The following CAMTA1 variants were observed in gnomAD, a reference collection of about 807,000 sequenced individuals.
CAMTA1 encodes the protein calmodulin-binding transcription activator 1.
A neutral mutation model predicts 170.9 loss-of-function variants in CAMTA1; 27 were observed. The ratio of observed to expected loss-of-function variants is 0.16; its 90% confidence interval spans 0.12 to 0.22. The LOEUF (loss-of-function observed/expected upper bound fraction) is 0.22, where lower values mean the gene tolerates loss of function less well. CAMTA1 is among the 10% of genes least tolerant of loss of function. CAMTA1 has a pLI of 1.00. For missense variants in CAMTA1, 1,619 were observed against 2,217.2 expected (o/e 0.73, Z 5.42); for synonymous variants, 833 against 891.5 (o/e 0.93, Z 1.17).
chr1:6,789,130 G>A (rs980597718), intron 1 of CAMTA1, among the ~76,000 whole-genome samples: 1 of 152,110 alleles, frequency 6.6e-6, no homozygotes, highest in African/African-American at 2.4e-5. Flanking sequence ...TCATTGAGTG[G>A]ATTCAAAGTG....
At chr1:7,394,775 A>C (rs1336337017) in intron 5 of CAMTA1, among the ~76,000 whole-genome samples, 1 of 150,930 alleles carries the variant, frequency 6.6e-6, no homozygotes, top group Non-Finnish European at 1.5e-5. Flanking sequence ...TACCCAGACC[A>C]ATATCATGAA....
intron 6 of CAMTA1, among the ~76,000 whole-genome samples, chr1:7,556,392 CA>C (rs1442241559): frequency 2.0e-5 from 3 of 152,192 alleles, no homozygotes; most frequent in Non-Finnish European, 4.4e-5. Flanking sequence ...GAGGTCAAAG[CA>C]TCAGAAATAC....
At chr1:7,631,944 G>A (rs2095672104) in intron 6 of CAMTA1, among the ~76,000 whole-genome samples, 1 of 152,220 alleles carries the variant, frequency 6.6e-6, no homozygotes, top group Admixed American at 6.5e-5. Flanking sequence ...GCAGCCAGAA[G>A]GTGGGTGAGA....
At chr1:7,474,039 C>G (rs1205622504) in intron 6 of CAMTA1, among the ~76,000 whole-genome samples, 3 of 152,252 alleles carry the variant, frequency 2.0e-5, no homozygotes, top group African/African-American at 4.8e-5. Context: ...GGCCACCCCC[C>G]TGGACACTGG....
intron 6 of CAMTA1, among the ~76,000 whole-genome samples, chr1:7,602,142 T>TCCTTCCTTCCTC (rs1401985805): frequency 8.0e-5 from 7 of 87,358 alleles, no homozygotes; most frequent in African/African-American, 1.0e-4. Context: ...CTTCCTTCCT[T>TCCTTCCTTCCTC]CCTCCCTCCC....
rs1193521824 is a variant in CAMTA1, at chr1:7,216,517, CCTTT to C, written c.303-32964_303-32961del. The stretch of plus-strand genomic sequence containing the variant: ...TTTCTTTCATTTTCCTTCCTTCCTT[CCTTT>C]CTTTCTTTCGTTCTTTCACAGAACT... On this transcript the variant is annotated intron_variant, in intron 4 of 22. Transcript: ENST00000303635. This position sits in a 1 kb window ranked among gnomAD's most constrained non-coding sequence, Gnocchi z 4.0. Among the ~76,000 whole-genome samples the C allele has an allele frequency of 4.6e-5, 7 of 152,172 alleles. No individual in the cohort carries two copies. Among genetic ancestry groups the C allele is most frequent in the South Asian group, 2.1e-4 (1 of 4,818 alleles).
intron 11 of CAMTA1, among the ~76,000 whole-genome samples, chr1:7,684,232 C>T (rs533703434): frequency 3.9e-5 from 6 of 152,232 alleles, no homozygotes; most frequent in South Asian, 4.1e-4. Flanking sequence ...CTGTGGAGGA[C>T]GCCCCAGGAC....
In CAMTA1 at chr1:7,426,672, G is replaced by C. The variant is rs548450853; in HGVS notation, c.439-41158G>C. On this transcript the variant is annotated intron_variant, in intron 5 of 22. Transcript: ENST00000303635. The surrounding 1 kb of genome is among the most constrained non-coding windows in gnomAD (Gnocchi z 4.8). ...TGTGCAAAAAAGCAGGGGTTGGGGC[G>C]GGGGAAAGGTGGAGAAAACTTCGCT... Among the ~76,000 whole-genome samples the C allele has an allele frequency of 4.1e-5, 6 of 146,782 alleles. No individual in the cohort carries two copies. In the East Asian group the frequency reaches 1.2e-3, roughly 29 times the overall value.
At chr1:7,406,753 C>T (rs1156233781) in intron 5 of CAMTA1, among the ~76,000 whole-genome samples, 1 of 152,188 alleles carries the variant, frequency 6.6e-6, no homozygotes, top group Non-Finnish European at 1.5e-5. Context: ...GGCGGCTCTA[C>T]CCAGAAGCAT....
Position 7,521,206 on chromosome 1 carries a change from A to G in CAMTA1, c.510+53305A>G, listed in dbSNP as rs190348477. 2.4e-4 allele frequency among the ~76,000 whole-genome samples: 36 copies of G among 152,190 alleles called. 1 individual carries two copies. In the East Asian group the frequency reaches 6.8e-3, roughly 29 times the overall value. ...AAGCATGGTGATGGTAGACAGGGTG[A>G]TTGTTTCTTAATGACTTATTTGGCA... On this transcript the variant is annotated intron_variant, in intron 6 of 22. Coordinates refer to ENST00000303635, the MANE Select transcript of CAMTA1 (RefSeq NM_015215.4).
In CAMTA1 at chr1:7,713,887, C is replaced by T. The variant is rs188076509; in HGVS notation, c.2915-18561C>T. ...GGAAGTTTCAGTTTCTCTTAAATTTCTCTTATCTGTATATTTCATATCAGC... is the reference window on the plus strand; with the variant it reads ...GGAAGTTTCAGTTTCTCTTAAATTTTTCTTATCTGTATATTTCATATCAGC... On this transcript the variant is annotated intron_variant, in intron 11 of 22. Transcript: ENST00000303635. Among the ~76,000 whole-genome samples, 106 of 152,288 alleles carry T rather than the reference C, an allele frequency of 7.0e-4. 2 individuals carry two copies. Among genetic ancestry groups the T allele is most frequent in the South Asian group, 1.7e-3 (8 of 4,818 alleles).
chr1:6,865,672 C>G (rs543354569), intron 3 of CAMTA1, among the ~76,000 whole-genome samples: 1 of 152,338 alleles, frequency 6.6e-6, no homozygotes, highest in East Asian at 1.9e-4. Flanking sequence ...GTCCTGAGTA[C>G]TAGCCTAAGT....
At chr1:6,902,658 C>T (rs1557795352) in intron 3 of CAMTA1, among the ~76,000 whole-genome samples, 1 of 152,202 alleles carries the variant, frequency 6.6e-6, no homozygotes, top group South Asian at 2.1e-4. Flanking sequence ...ATGTATGGAC[C>T]TGTGCACTTT....
intron 6 of CAMTA1, among the ~76,000 whole-genome samples, chr1:7,579,287 T>C (rs1323040421): frequency 1.3e-5 from 2 of 152,208 alleles, no homozygotes; most frequent in Admixed American, 6.5e-5. Context: ...CCTGGAGAAG[T>C]CTTGCCAGCC....
At chr1:7,334,146 T>C (rs2083205461) in intron 5 of CAMTA1, among the ~76,000 whole-genome samples, 2 of 152,196 alleles carry the variant, frequency 1.3e-5, no homozygotes, top group African/African-American at 4.8e-5. Flanking sequence ...AAGAAGAATA[T>C]TAAATTGCAC....
rs1003705785 is a variant in CAMTA1 at position 7,674,925 on chromosome 1, T to C, written c.2780-2674T>C. Among the ~76,000 whole-genome samples the C allele has an allele frequency of 3.3e-5, 5 of 152,168 alleles. No homozygotes were observed. Among genetic ancestry groups the C allele is most frequent in the African/African-American group, 1.2e-4 (5 of 41,436 alleles). ...GGCATGAAGATTAAGACAGAGCCAG[T>C]CCCAGCTCTCATGAGCTAATGTTCT... On this transcript the variant is annotated intron_variant, in intron 10 of 22. Transcript: ENST00000303635. This position sits in a 1 kb window ranked among gnomAD's most constrained non-coding sequence, Gnocchi z 4.1.
At chr1:7,678,601 C>T (rs975452722) in intron 11 of CAMTA1, among the ~76,000 whole-genome samples, 7 of 152,136 alleles carry the variant, frequency 4.6e-5, no homozygotes, top group African/African-American at 9.7e-5. Flanking sequence ...GTCAGGAGGC[C>T]CAGAGCTAGC....
intron 4 of CAMTA1, among the ~76,000 whole-genome samples, chr1:7,114,570 C>T (rs1644254414): frequency 6.6e-6 from 1 of 152,180 alleles, no homozygotes. Context: ...GTGGGTTGGA[C>T]AAGCTTGACA....
chr1:7,429,617 G>T (rs1397635490), intron 5 of CAMTA1, among the ~76,000 whole-genome samples: 1 of 151,426 alleles, frequency 6.6e-6, no homozygotes, highest in African/African-American at 2.4e-5. Context: ...GCTGATGGTG[G>T]TGATGGTGAT....
Sources: gnomAD v4.1 joint callset for allele counts (sites outside exome capture counted in the v4.1 genomes callset) on GRCh38, gnomAD v4.1.1 for gene constraint, Gnocchi (gnomAD v3.1) non-coding constraint, MANE v1.5 for transcripts, NCBI Gene and HGNC (gene_info 2026-07-23, HGNC 2026-07-21) for gene names.